PCNX1: variants seen among roughly 807,000 people sequenced by gnomAD.
PCNX1 encodes the protein pecanex-like protein 1.
In PCNX1, 78 loss-of-function variants were observed where a neutral mutation model predicts 242.2. That is an observed-to-expected ratio of 0.32 (90% CI 0.27 to 0.39). The LOEUF (loss-of-function observed/expected upper bound fraction) is 0.39, where lower values mean the gene tolerates loss of function less well. Among genes scored for constraint, PCNX1 ranks in the 10% least tolerant of loss-of-function variants. PCNX1 has a pLI of 1.00. For missense variants in PCNX1, 2,581 were observed against 2,856.5 expected (o/e 0.90, Z 2.20); for synonymous variants, 1,024 against 1,032.9 (o/e 0.99, Z 0.17).
chr14:71,015,248 T>C lies in PCNX1; in HGVS notation c.2996+2046T>C, dbSNP rs55719012. On this transcript the variant is annotated intron_variant, in intron 11 of 35. Coordinates refer to ENST00000304743, the MANE Select transcript of PCNX1 (RefSeq NM_014982.3). ...AAGTGATCTCAGATGGAAATATAAGTCTACCCAAAGGAACAAAGATAAATG... is the reference window on the plus strand; with the variant it reads ...AAGTGATCTCAGATGGAAATATAAGCCTACCCAAAGGAACAAAGATAAATG... Among the ~76,000 whole-genome samples the C allele has an allele frequency of 8.6e-3, 1,309 of 152,254 alleles. 25 individuals carry two copies. The highest frequency in any genetic ancestry group is 0.03 in the African/African-American group (1,234 of 41,540).
intron 33 of PCNX1, among the ~76,000 whole-genome samples, chr14:71,106,142 T>A (rs1263223356): frequency 6.6e-6 from 1 of 151,782 alleles, no homozygotes; most frequent in Non-Finnish European, 1.5e-5. Flanking sequence ...GCCTCCCGAG[T>A]AGCTGGGACT....
At chr14:70,926,588 T>G (rs1385154872) in intron 1 of PCNX1, among the ~76,000 whole-genome samples, 1 of 151,978 alleles carries the variant, frequency 6.6e-6, no homozygotes, top group African/African-American at 2.4e-5. Flanking sequence ...CAAGGGGATT[T>G]TAAACCTCCT....
Position 71,108,943 on chromosome 14 carries a change from C to T in PCNX1, c.6641C>T (p.Thr2214Ile). The change falls in exon 34 of 36, where the codon ACA (threonine) becomes ATA (isoleucine). Residue 2214 changes from threonine (T) to isoleucine (I), a missense_variant. Physicochemically the swap from Thr to Ile is moderately conservative, Grantham distance 89 (BLOSUM62 -1). This residue lies in a region of PCNX1 where 432 missense variants were observed against 433.6 expected (regional missense o/e 1.00). Transcript: ENST00000304743. The part of the protein sequence containing the change: ...KHHTLVGFLA[T>I]EGGQSSATDA... ...CACACTCTCGTGGGCTTTCTTGCGA[C>T]AGAGGGAGGTCAGAGCAGTGCCACT... is the stretch of plus-strand genomic sequence containing the variant. 6.2e-7 allele frequency: 1 copy of T among 1,614,202 alleles called. No individual in the cohort carries two copies. Among genetic ancestry groups the T allele is most frequent in the Non-Finnish European group, 8.5e-7 (1 of 1,180,034 alleles).
intron 28 of PCNX1, among the ~76,000 whole-genome samples, chr14:71,078,095 T>G (rs2061762388): frequency 6.6e-6 from 1 of 152,240 alleles, no homozygotes; most frequent in Admixed American, 6.5e-5. Flanking sequence ...ATCCCCAGTC[T>G]CATCAGGTAG....
At position 70,938,301 on chromosome 14, in the gene PCNX1, G is replaced by A. The variant is rs184029935; in HGVS notation, c.154-8614G>A. Among the ~76,000 whole-genome samples, 1,316 of 152,138 alleles carry A rather than the reference G, an allele frequency of 8.7e-3. 26 individuals are homozygous for A. The highest frequency in any genetic ancestry group is 0.03 in the African/African-American group (1,236 of 41,514). On this transcript the variant is annotated intron_variant, in intron 1 of 35. Transcript: ENST00000304743. ...GATAGCTCTTATTATTTTGAGATAC[G>A]TCCCATCAATACCTAATTTATTGAG...
chr14:70,918,606 G>T (rs2056243999), intron 1 of PCNX1, among the ~76,000 whole-genome samples: 1 of 152,208 alleles, frequency 6.6e-6, no homozygotes, highest in Admixed American at 6.5e-5. Context: ...ATAGAGACAT[G>T]CTCCACAGAG....
At chr14:71,004,067 C>A (rs1167042791) in intron 8 of PCNX1, among the ~76,000 whole-genome samples, 1 of 152,206 alleles carries the variant, frequency 6.6e-6, no homozygotes, top group Admixed American at 6.5e-5. Context: ...TGGGCTAAGT[C>A]CAGCTCTATA....
At chr14:71,013,599 TG>T (rs1195103579) in intron 11 of PCNX1, among the ~76,000 whole-genome samples, 2 of 141,040 alleles carry the variant, frequency 1.4e-5, no homozygotes, top group Non-Finnish European at 3.3e-5. Flanking sequence ...AACACAAACT[TG>T]GTGACCAACA....
At chr14:71,017,896 TTTTTA>T in intron 11 of PCNX1, among the ~76,000 whole-genome samples, 1 of 152,206 alleles carries the variant, frequency 6.6e-6, no homozygotes, top group Non-Finnish European at 1.5e-5. Flanking sequence ...ATGAATTTTA[TTTTTA>T]GGCCCAGTTG....
At position 71,047,802 on chromosome 14, in the gene PCNX1, C is replaced by G. The variant is rs1317404199; in HGVS notation, c.4161-5C>G. 1.3e-6 allele frequency: 2 copies of G among 1,586,542 alleles called. No homozygotes were observed. Among genetic ancestry groups the G allele is most frequent in the Non-Finnish European group, 1.7e-6 (2 of 1,164,594 alleles). On this transcript the variant is annotated splice_region_variant and splice_polypyrimidine_tract_variant and intron_variant, in intron 21 of 35. Coordinates refer to ENST00000304743, the MANE Select transcript of PCNX1 (RefSeq NM_014982.3). Reference sequence around the variant, plus strand: ...GAGTTGATTTGTGTTTTCTTTGTGCCACAGATTAGGTGCTTTAATGATCAC... The same window carrying G: ...GAGTTGATTTGTGTTTTCTTTGTGCGACAGATTAGGTGCTTTAATGATCAC...
chr14:70,909,268 TAAAA>T (rs11372712), intron 1 of PCNX1, among the ~76,000 whole-genome samples: 4 of 149,540 alleles, frequency 2.7e-5, no homozygotes, highest in African/African-American at 9.8e-5. Flanking sequence ...TGTTTGAGGT[TAAAA>T]AAAAAAGCCA....
At position 70,995,817 on chromosome 14, in the gene PCNX1, G is replaced by C. The variant is rs1283992077; in HGVS notation, c.2521G>C (p.Val841Leu). The change falls in exon 8 of 36, where the codon GTG (valine) becomes CTG (leucine). Residue 841 changes from valine (V) to leucine (L), a missense_variant. Val to Leu is a conservative substitution (Grantham distance 32). Around this residue, in one of 9 missense-constraint regions of PCNX1, gnomAD observed 1,204 missense variants for 1,216.7 expected, o/e 0.99. Coordinates refer to ENST00000304743, the MANE Select transcript of PCNX1 (RefSeq NM_014982.3). ...GTCCCGCCCCCCTTCCCAGGCTGCA[G>C]TGCTCAGTGCTAGTGCCTCCTTGCT... ...VQSRPPSQAA[V>L]LSASASLLVR... The C allele has an allele frequency of 7.4e-6, 12 of 1,613,878 alleles. No individual in the cohort carries two copies. The highest frequency in any genetic ancestry group is 1.0e-5 in the Non-Finnish European group (12 of 1,179,874).
At chr14:71,051,756 G>T (rs762501827) in intron 23 of PCNX1, 127 bp from the exon 24 acceptor site, 2 of 839,402 alleles carry the variant, frequency 2.4e-6, no homozygotes, top group Non-Finnish European at 3.7e-6. Flanking sequence ...ACCTTCTTTT[G>T]TATTCTTCTG....
At chr14:70,972,947 T>G (rs994984600) in intron 5 of PCNX1, among the ~76,000 whole-genome samples, 3 of 152,046 alleles carry the variant, frequency 2.0e-5, no homozygotes, top group Non-Finnish European at 4.4e-5. Context: ...AGAGGGAGTA[T>G]AGGTAGAAAA....
intron 1 of PCNX1, among the ~76,000 whole-genome samples, chr14:70,911,590 G>A (rs539856344): frequency 9.2e-5 from 14 of 152,208 alleles, no homozygotes; most frequent in Admixed American, 3.3e-4. Context: ...TGGCATTTTT[G>A]TATGGTGGAA....
intron 1 of PCNX1, among the ~76,000 whole-genome samples, chr14:70,914,932 CCTT>C (rs148192654): frequency 5.5e-4 from 83 of 152,154 alleles, no homozygotes; most frequent in Middle Eastern, 3.4e-3. Context: ...TTCTGCTTGA[CCTT>C]CTGAGTCAGT....
At chr14:71,060,162 A>T (rs1175026850) in intron 26 of PCNX1, among the ~76,000 whole-genome samples, 1 of 152,192 alleles carries the variant, frequency 6.6e-6, no homozygotes, top group Non-Finnish European at 1.5e-5. Context: ...TGGAACTGAA[A>T]AATTCCTGTT....
intron 1 of PCNX1, among the ~76,000 whole-genome samples, chr14:70,908,522 G>A (rs2055675922): frequency 6.6e-6 from 1 of 152,228 alleles, no homozygotes; most frequent in Non-Finnish European, 1.5e-5. Flanking sequence ...GAGCGCGGGG[G>A]ACCGTGCGGC....
Position 71,103,474 on chromosome 14 carries a change from GAGGT to G in PCNX1, c.5903_5906del (p.Gly1968AlafsTer9). On this transcript the variant is annotated frameshift_variant, in exon 32 of 36. Transcript: ENST00000304743. LOFTEE classifies it high-confidence loss of function. ...TTTCTACGTAACCGTAACCCAGAGA[GAGGT>G]AGCATCCAAAATGCAAAGCAAGCCC... 6.2e-7 allele frequency: 1 copy of G among 1,614,198 alleles called. No individual in the cohort carries two copies. Among genetic ancestry groups the G allele is most frequent in the Non-Finnish European group, 8.5e-7 (1 of 1,180,026 alleles).
Sources: allele counts gnomAD v4.1 joint callset (sites outside exome capture counted in the v4.1 genomes callset), GRCh38; gene constraint gnomAD v4.1.1; regional missense constraint gnomAD v4.1.1; transcripts MANE v1.5; gene names NCBI Gene and HGNC (gene_info 2026-07-23, HGNC 2026-07-21).